The following GTF2A1L variants were observed in gnomAD, a reference collection of about 807,000 sequenced individuals.
GTF2A1L encodes the protein TFIIA-alpha and beta-like factor.
Under a neutral mutation model 49.7 loss-of-function variants are expected in GTF2A1L, and 48 were observed. That is an observed-to-expected ratio of 0.97 (90% confidence interval 0.77 to 1.23). The LOEUF (loss-of-function observed/expected upper bound fraction) is 1.23, where lower values mean the gene tolerates loss of function less well. Among genes scored for constraint, GTF2A1L ranks in the 50% most tolerant of loss-of-function variants. The probability of loss-of-function intolerance (pLI) is 0.00; values close to 1 mark genes in which losing one functional copy is unlikely to be tolerated. For synonymous variants in GTF2A1L, 246 were observed against 193.5 expected (o/e 1.27, Z -2.25); for missense variants, 736 against 564.8 (o/e 1.30, Z -3.07).
At chr2:48,637,034 A>G (rs1439216606) in intron 3 of GTF2A1L, among the ~76,000 whole-genome samples, 1 of 152,192 alleles carries the variant, frequency 6.6e-6, no homozygotes. Context: ...TGTAAACTGT[A>G]TGTCCGATTG....
chr2:48,673,901 G>C (rs1679310403), intron 8 of GTF2A1L, among the ~76,000 whole-genome samples: 1 of 152,128 alleles, frequency 6.6e-6, no homozygotes, highest in South Asian at 2.1e-4. Flanking sequence ...TTAAAGGAAG[G>C]TCAGATAATC....
chr2:48,621,169 C>T lies in GTF2A1L; in HGVS notation c.126C>T (p.Leu42=), dbSNP rs773894870. Reference sequence around the variant, plus strand: ...AACTTTTTTTTTCCCCTCTGCAGCTCTGGGAAACCAAGGTTTTGCAGTCTA... The same window carrying T: ...AACTTTTTTTTTCCCCTCTGCAGCTTTGGGAAACCAAGGTTTTGCAGTCTA... ...EEQVLKDLKQ[L]WETKVLQSKA... The change falls in exon 3 of 9, where the codon CTC becomes CTT. Residue 42 remains leucine, a splice_region_variant and synonymous_variant. Transcript: ENST00000403751. 7 of 1,611,210 alleles carry T rather than the reference C, an allele frequency of 4.3e-6. No homozygotes were observed. The East Asian group carries it at 1.3e-4, about 31-fold the overall frequency.
intron 6 of GTF2A1L, among the ~76,000 whole-genome samples, chr2:48,656,377 T>TTA (rs1491047242): frequency 8.6e-6 from 1 of 116,910 alleles, no homozygotes; most frequent in Non-Finnish European, 1.9e-5. Flanking sequence ...TTTTTTTTTT[T>TTA]AATAATTGCT....
At chr2:48,644,315 G>C (rs1006784429) in intron 4 of GTF2A1L, among the ~76,000 whole-genome samples, 1 of 152,154 alleles carries the variant, frequency 6.6e-6, no homozygotes, top group Non-Finnish European at 1.5e-5. Flanking sequence ...ATAAAAAGTA[G>C]GGATACTCTT....
intron 6 of GTF2A1L, among the ~76,000 whole-genome samples, chr2:48,647,865 A>G (rs911808522): frequency 2.0e-5 from 3 of 152,156 alleles, no homozygotes; most frequent in African/African-American, 7.2e-5. Context: ...CATTCTTTTT[A>G]CAAATATAAA....
At chr2:48,639,868 C>T (rs568417917) in intron 3 of GTF2A1L, among the ~76,000 whole-genome samples, 6 of 152,068 alleles carry the variant, frequency 3.9e-5, no homozygotes, top group African/African-American at 1.2e-4. Flanking sequence ...CAAACAGTCC[C>T]GTTAAAATGT....
rs181599505 is a variant in GTF2A1L at position 48,622,790 on chromosome 2, C to T, written c.247+1500C>T. ...CAGAGGTTGTAGTGAGCTGAGATCG[C>T]GCCACTGCATTCCAGCCTGGGCGAC... On this transcript the variant is annotated intron_variant, in intron 3 of 8. Transcript: ENST00000403751. Among the ~76,000 whole-genome samples the T allele has an allele frequency of 2.7e-4, 40 of 150,216 alleles. No homozygotes were observed. The East Asian group carries it at 2.7e-3, about 10-fold the overall frequency.
chr2:48,619,378 G>A (rs1007474077), intron 1 of GTF2A1L, among the ~76,000 whole-genome samples: 2 of 151,640 alleles, frequency 1.3e-5, no homozygotes, highest in Non-Finnish European at 2.9e-5. Context: ...GCTGAGACAG[G>A]AGAATCACTT....
intron 8 of GTF2A1L, among the ~76,000 whole-genome samples, chr2:48,676,736 A>C (rs140434060): frequency 2.0e-5 from 3 of 151,728 alleles, no homozygotes; most frequent in Admixed American, 6.6e-5. Flanking sequence ...TTGAGCCATG[A>C]ATAAAAAGTT....
At chr2:48,646,424 A>T in intron 5 of GTF2A1L, 29 bp from the exon 6 acceptor site, 2 of 1,498,356 alleles carry the variant, frequency 1.3e-6, no homozygotes, top group Non-Finnish European at 1.8e-6. Context: ...ATTCTATTAT[A>T]CTTACAATTT....
At position 48,679,183 on chromosome 2, in the gene GTF2A1L, T is replaced by C. The variant is rs181127480; in HGVS notation, c.1330-152T>C. ...AGTGTCTAACACATAGGAACTCAAA[T>C]GTTTATGGAATAAACAAACTATCTT... is the stretch of plus-strand genomic sequence containing the variant. On this transcript the variant is annotated intron_variant, in intron 8 of 8. Coordinates refer to ENST00000403751, the MANE Select transcript of GTF2A1L (RefSeq NM_006872.5). The C allele has an allele frequency of 4.8e-5, 47 of 980,190 alleles. 1 individual carries two copies. Among genetic ancestry groups the C allele is most frequent in the Non-Finnish European group, 6.5e-5 (45 of 693,692 alleles). 60.7% of individuals were successfully genotyped at this position (980,190 alleles called of 1,614,324 possible).
rs1041223092 is a variant in GTF2A1L at position 48,677,975 on chromosome 2, A to C, written c.1330-1360A>C. ...AAGTGTCATAGTTGTAAACTCTGAGATGGGTGTGTGTGTGTGTGTGTGTGT... is the reference window on the plus strand; with the variant it reads ...AAGTGTCATAGTTGTAAACTCTGAGCTGGGTGTGTGTGTGTGTGTGTGTGT... On this transcript the variant is annotated intron_variant, in intron 8 of 8. Coordinates refer to ENST00000403751, the MANE Select transcript of GTF2A1L (RefSeq NM_006872.5). Among the ~76,000 whole-genome samples the C allele has an allele frequency of 7.3e-5, 6 of 81,756 alleles. No homozygotes were observed. The Admixed American group carries it at 8.6e-4, about 12-fold the overall frequency. 53.6% of individuals were successfully genotyped at this position (81,756 alleles called of 152,430 possible). A position where few individuals can be genotyped will look rare whatever the true frequency, so the allele number is the denominator to read the frequency against.
chr2:48,628,992 C>G lies in GTF2A1L; in HGVS notation c.247+7702C>G, dbSNP rs574906729. 6.9e-4 allele frequency among the ~76,000 whole-genome samples: 99 copies of G among 143,292 alleles called. 6 individuals are homozygous for G. Among genetic ancestry groups the G allele is most frequent in the African/African-American group, 2.2e-3 (90 of 40,394 alleles). 94.0% of individuals were successfully genotyped at this position (143,292 alleles called of 152,430 possible). ...GGTGCGGTGGCTCATGCCTGTAATC[C>G]CAGCACTTTGGGAGGCCGAGGTGGG... On this transcript the variant is annotated intron_variant, in intron 3 of 8. Transcript: ENST00000403751.
intron 6 of GTF2A1L, among the ~76,000 whole-genome samples, chr2:48,660,043 C>G (rs1017081188): frequency 6.6e-6 from 1 of 151,800 alleles, no homozygotes; most frequent in African/African-American, 2.4e-5. Flanking sequence ...AGTAGTTGTC[C>G]TTTCCTTCTT....
At chr2:48,642,548 C>G (rs1037187893) in intron 4 of GTF2A1L, 91 bp downstream of exon 4, 1 of 1,248,118 alleles carries the variant, frequency 8.0e-7, no homozygotes, top group African/African-American at 1.5e-5. Flanking sequence ...AATTTCTTAC[C>G]CTCCAGTTGA....
chr2:48,668,044 A>G (rs1382379903), intron 6 of GTF2A1L, among the ~76,000 whole-genome samples: 1 of 151,732 alleles, frequency 6.6e-6, no homozygotes, highest in African/African-American at 2.4e-5. Context: ...GTGCTGTATC[A>G]CTCTTCATTC....
intron 3 of GTF2A1L, among the ~76,000 whole-genome samples, chr2:48,622,544 A>G (rs1676063356): frequency 1.3e-5 from 2 of 152,262 alleles, no homozygotes; most frequent in Admixed American, 6.5e-5. Context: ...TGTGGTGGGT[A>G]TGGAAGAGGA....
chr2:48,672,334 G>T (rs1679217943), intron 8 of GTF2A1L, among the ~76,000 whole-genome samples: 1 of 152,142 alleles, frequency 6.6e-6, no homozygotes, highest in African/African-American at 2.4e-5. Flanking sequence ...AAGTGAAGCT[G>T]GGTGGGAGAC....
intron 3 of GTF2A1L, among the ~76,000 whole-genome samples, chr2:48,623,894 G>T (rs1231411058): frequency 6.6e-6 from 1 of 152,110 alleles, no homozygotes; most frequent in East Asian, 1.9e-4. Flanking sequence ...CGAACACTGG[G>T]TACTCCAAAA....
Sources: allele counts gnomAD v4.1 joint callset (sites outside exome capture counted in the v4.1 genomes callset), GRCh38; gene constraint gnomAD v4.1.1; transcripts MANE v1.5; gene names NCBI Gene and HGNC (gene_info 2026-07-23, HGNC 2026-07-21).